The following STXBP4 variants were observed in gnomAD, a reference collection of about 807,000 sequenced individuals.
STXBP4 encodes the protein syntaxin binding protein 4, also known as syntaxin-binding protein 4.
In STXBP4, 55 loss-of-function variants were observed where a neutral mutation model predicts 76.1. The ratio of observed to expected loss-of-function variants is 0.72; its 90% CI spans 0.58 to 0.91. The LOEUF (loss-of-function observed/expected upper bound fraction) is 0.91, where lower values mean the gene tolerates loss of function less well. Among genes scored for constraint, STXBP4 ranks in the 40% least tolerant of loss-of-function variants. The pLI is 0.00. For synonymous variants in STXBP4, 201 were observed against 220.2 expected, an observed-to-expected ratio of 0.91 and a Z score of 0.77; for missense variants, 618 against 636.9, an observed-to-expected ratio of 0.97 and a Z score of 0.32.
intron 16 of STXBP4, among the ~76,000 whole-genome samples, chr17:55,100,950 G>C (rs565883293): frequency 1.3e-5 from 2 of 152,156 alleles, no homozygotes; most frequent in African/African-American, 2.4e-5. Flanking sequence ...GAATCCTTCA[G>C]TGCTCCCCAG....
intron 16 of STXBP4, among the ~76,000 whole-genome samples, chr17:55,136,520 A>G (rs193259973): frequency 2.0e-5 from 3 of 152,230 alleles, no homozygotes; most frequent in African/African-American, 7.2e-5. Context: ...TTTGTTCTTG[A>G]GGTTATTTAC....
rs1290453052 is a variant in STXBP4, at chr17:55,168,027, C to G, written c.*8116C>G. The G allele has an allele frequency of 6.6e-6, 1 of 152,154 alleles. No individual in the cohort carries two copies. Among genetic ancestry groups the G allele is most frequent in the African/African-American group, 2.4e-5 (1 of 41,450 alleles). 9.4% of individuals were successfully genotyped at this position (152,154 alleles called of 1,614,324 possible). A position where few individuals can be genotyped will look rare whatever the true frequency, so the allele number is the denominator to read the frequency against. On this transcript the variant is annotated 3_prime_UTR_variant, in exon 18 of 18. Coordinates refer to ENST00000376352, the MANE Select transcript of STXBP4 (RefSeq NM_178509.6). Reference sequence around the variant, plus strand: ...CAGTTTTATCATTCAGAGAAGTAATCTATGCATTTAATCTAATGCCAGCTT... The same window carrying G: ...CAGTTTTATCATTCAGAGAAGTAATGTATGCATTTAATCTAATGCCAGCTT...
chr17:55,084,596 A>G (rs2079299865), intron 16 of STXBP4, among the ~76,000 whole-genome samples: 1 of 151,398 alleles, frequency 6.6e-6, no homozygotes, highest in South Asian at 2.1e-4. Context: ...GTTTTCTTCT[A>G]GGGTTTTTAT....
At chr17:55,150,782 A>G (rs567454634) in intron 17 of STXBP4, among the ~76,000 whole-genome samples, 2 of 152,266 alleles carry the variant, frequency 1.3e-5, no homozygotes, top group South Asian at 2.1e-4. Flanking sequence ...ATGGCCCTCA[A>G]AAATGTTCAC....
the STXBP4 span, among the ~76,000 whole-genome samples, chr17:55,205,745 G>C: frequency 3.8e-4 from 57 of 151,910 alleles, no homozygotes; most frequent in African/African-American, 1.4e-3. Flanking sequence ...TTTTTGGCAA[G>C]GCTGTGAAAA....
chr17:55,031,540 T>G (rs2078509632), intron 9 of STXBP4, among the ~76,000 whole-genome samples: 1 of 152,208 alleles, frequency 6.6e-6, no homozygotes, highest in African/African-American at 2.4e-5. Flanking sequence ...TAAACATTGC[T>G]TTAGTAATAA....
At chr17:55,120,304 G>A (rs1016103042) in intron 16 of STXBP4, among the ~76,000 whole-genome samples, 7 of 152,160 alleles carry the variant, frequency 4.6e-5, no homozygotes, top group Admixed American at 1.3e-4. Flanking sequence ...TCAGTGAGCC[G>A]TATGGGATGG....
At chr17:55,074,906 T>A (rs1028186344) in intron 13 of STXBP4, among the ~76,000 whole-genome samples, 9 of 151,982 alleles carry the variant, frequency 5.9e-5, no homozygotes, top group Non-Finnish European at 1.2e-4. Context: ...CTTTTTTTTT[T>A]AATCATGAGA....
chr17:55,019,907 T>G (rs975747540), intron 8 of STXBP4, among the ~76,000 whole-genome samples: 55 of 152,214 alleles, frequency 3.6e-4, no homozygotes, highest in African/African-American at 1.2e-3. Flanking sequence ...TATTTTGTAA[T>G]GATCTGTCTT....
rs1466323438 is a variant in STXBP4 at position 55,043,580 on chromosome 17, T to G, written c.945+255T>G. ...TTTTGCTCATGTCTTCTGTTGAGGT[T>G]TCTTCTTATCCTTTTTATTCTCTCT... On this transcript the variant is annotated intron_variant, in intron 11 of 17. Coordinates refer to ENST00000376352, the MANE Select transcript of STXBP4 (RefSeq NM_178509.6). The G allele has an allele frequency of 3.9e-6, 6 of 1,537,854 alleles. No individual in the cohort carries two copies. In the Admixed American group the frequency reaches 1.2e-4, roughly 30 times the overall value.
chr17:55,173,835 CA>C (rs1212615206), downstream of STXBP4, among the ~76,000 whole-genome samples: 1 of 152,152 alleles, frequency 6.6e-6, no homozygotes, highest in Middle Eastern at 3.2e-3. Context: ...AAATTATCAG[CA>C]GGGTTGTATT....
At chr17:54,999,281 A>G (rs929219629) in intron 4 of STXBP4, 64 bp from the exon 5 acceptor site, 16 of 1,326,224 alleles carry the variant, frequency 1.2e-5, no homozygotes, top group Non-Finnish European at 3.1e-6. Context: ...TGCTTTAATT[A>G]CATCAATTAA....
At chr17:55,043,035 G>C (rs950851344) in intron 10 of STXBP4, among the ~76,000 whole-genome samples, 2 of 152,048 alleles carry the variant, frequency 1.3e-5, no homozygotes, top group Non-Finnish European at 2.9e-5. Flanking sequence ...TATTATAAGT[G>C]ACAACAATGT....
the STXBP4 span, among the ~76,000 whole-genome samples, chr17:55,199,104 A>G: frequency 6.6e-6 from 1 of 152,242 alleles, no homozygotes; most frequent in African/African-American, 2.4e-5. Context: ...TGCAGCTAAC[A>G]TCACATCCAT....
intron 8 of STXBP4, among the ~76,000 whole-genome samples, chr17:55,023,225 C>A (rs917226062): frequency 1.3e-5 from 2 of 152,118 alleles, no homozygotes; most frequent in African/African-American, 2.4e-5. Flanking sequence ...CTAATTCTGG[C>A]AACATTGTAT....
chr17:55,033,565 G>A (rs182977868), intron 9 of STXBP4, among the ~76,000 whole-genome samples: 48 of 152,232 alleles, frequency 3.2e-4, no homozygotes, highest in African/African-American at 1.0e-3. Context: ...GAAAATATTT[G>A]AGGATACATA....
rs557802252 is a variant in STXBP4 at position 55,161,958 on chromosome 17, C to G, written c.*2047C>G. The G allele has an allele frequency of 2.6e-5, 4 of 152,298 alleles. No homozygotes were observed. In the East Asian group the frequency reaches 5.8e-4, roughly 22 times the overall value. The allele number at this position is 152,298 out of a possible 1,614,324, so 9.4% of individuals were successfully genotyped here. A position where few individuals can be genotyped will look rare whatever the true frequency, so the allele number is the denominator to read the frequency against. On this transcript the variant is annotated 3_prime_UTR_variant, in exon 18 of 18. Transcript: ENST00000376352. The stretch of plus-strand genomic sequence containing the variant: ...ACCACTATGGAGAACTGCTTAGATT[C>G]ATTGTCTATGGGTACATTTTATAAA...
chr17:55,152,414 C>T (rs1178405222), intron 17 of STXBP4, among the ~76,000 whole-genome samples: 1 of 152,158 alleles, frequency 6.6e-6, no homozygotes, highest in Non-Finnish European at 1.5e-5. Flanking sequence ...ATCCAGATAA[C>T]AATTCTTATG....
chr17:55,177,136 G>A (rs71385377), downstream of STXBP4, among the ~76,000 whole-genome samples: 1,307 of 152,122 alleles, frequency 8.6e-3, 8 homozygotes, highest in Non-Finnish European at 0.014. Flanking sequence ...TCTTATCTCT[G>A]TACCTATAAT....
Sources: gnomAD v4.1 joint callset for allele counts (sites outside exome capture counted in the v4.1 genomes callset) on GRCh38, gnomAD v4.1.1 for gene constraint, MANE v1.5 for transcripts, NCBI Gene and HGNC (gene_info 2026-07-23, HGNC 2026-07-21) for gene names.